Variants in EPG5 observed in about 807,000 individuals in gnomAD.
The protein encoded by EPG5 is ectopic P granules protein 5 homolog.
In EPG5, 159 loss-of-function variants were observed where a neutral mutation model predicts 302.7. The ratio of observed to expected loss-of-function variants is 0.53; its 90% confidence interval spans 0.46 to 0.60. The LOEUF is 0.60. Among genes scored for constraint, EPG5 ranks in the 20% least tolerant of loss-of-function variants. EPG5 has a pLI of 0.00. For synonymous variants in EPG5, 1,158 were observed against 1,136.8 expected, an observed-to-expected ratio of 1.02 and a Z score of -0.37; for missense variants, 2,896 against 3,092.4, an observed-to-expected ratio of 0.94 and a Z score of 1.51.
At chr18:45,867,769 A>G in intron 36 of EPG5, 21 bp from the exon 37 acceptor site, 1 of 1,575,008 alleles carries the variant, frequency 6.3e-7, no homozygotes, top group Non-Finnish European at 8.6e-7. Context: ...ATGAATTAAA[A>G]TCATTCTGTT....
Position 45,887,839 on chromosome 18 carries a change from A to G in EPG5, c.5021T>C (p.Phe1674Ser). 6.2e-7 allele frequency: 1 copy of G among 1,604,924 alleles called. No individual in the cohort carries two copies. The highest frequency in any genetic ancestry group is 8.5e-7 in the Non-Finnish European group (1 of 1,172,982). ...ATCGCTGACGTAATCCACAATAGTA[A>G]AGAAAAGGCTAATGCCAACTTTCTG... Reference protein sequence around the residue: ...GIQKVGISLFFTIVDYVSDET... With the variant: ...GIQKVGISLFSTIVDYVSDET... Residue 1674 changes from phenylalanine to serine, a missense_variant, in exon 29 of 44, where the codon TTT (phenylalanine) becomes TCT (serine). Around this residue, in one of 5 missense-constraint regions of EPG5, gnomAD observed 790 missense variants for 798.0 expected, o/e 0.99. Transcript: ENST00000282041.
rs376652885 is a variant in EPG5 at position 45,910,514 on chromosome 18, T to A, written c.4205+7A>T. 12 of 1,593,938 alleles carry A rather than the reference T, an allele frequency of 7.5e-6. No individual in the cohort carries two copies. Among genetic ancestry groups the A allele is most frequent in the East Asian group, 6.7e-5 (3 of 44,678 alleles). On this transcript the variant is annotated splice_region_variant and intron_variant, in intron 23 of 43. Coordinates refer to ENST00000282041, the MANE Select transcript of EPG5 (RefSeq NM_020964.3). Reference sequence around the variant, plus strand: ...AACAATGTAGGTGGCTAAATAACCATACTCACCTCACCAGCTCCTTGTGCA... The same window carrying A: ...AACAATGTAGGTGGCTAAATAACCAAACTCACCTCACCAGCTCCTTGTGCA...
chr18:45,878,360 C>T lies in EPG5; in HGVS notation c.5942+16G>A. On this transcript the variant is annotated intron_variant, in intron 34 of 43. Coordinates refer to ENST00000282041, the MANE Select transcript of EPG5 (RefSeq NM_020964.3). ...ACAAACGTCAAAGGAATTTGAATAT[C>T]TAAAAAACTGTTTACCTTTCGTTGT... 1 of 1,558,534 alleles carries T rather than the reference C, an allele frequency of 6.4e-7. No homozygotes were observed. Among genetic ancestry groups the T allele is most frequent in the Non-Finnish European group, 8.8e-7 (1 of 1,130,670 alleles).
At chr18:45,827,901 C>T in the EPG5 span, among the ~76,000 whole-genome samples, 2 of 152,204 alleles carry the variant, frequency 1.3e-5, no homozygotes, top group African/African-American at 2.4e-5. Flanking sequence ...CAAAAACAAA[C>T]GCCAAACCAC....
At chr18:45,919,937 T>C (rs2050118703) in intron 16 of EPG5, among the ~76,000 whole-genome samples, 1 of 152,320 alleles carries the variant, frequency 6.6e-6, no homozygotes, top group African/African-American at 2.4e-5. Context: ...GGAAACAATA[T>C]AAAGAGTATG....
At chr18:45,883,637 T>G (rs1288788657) in intron 30 of EPG5, among the ~76,000 whole-genome samples, 2 of 140,418 alleles carry the variant, frequency 1.4e-5, no homozygotes, top group Admixed American at 7.1e-5. Context: ...TTTTTTTTTT[T>G]TTTTGTACAG....
intron 22 of EPG5, 146 bp from the exon 23 acceptor site, chr18:45,910,888 G>A (rs2049876985): frequency 3.2e-6 from 2 of 618,870 alleles, no homozygotes; most frequent in African/African-American, 3.7e-5. Flanking sequence ...CTACCTCAAA[G>A]ATTATTTTGA....
chr18:45,822,583 A>C, the EPG5 span, among the ~76,000 whole-genome samples: 1 of 152,216 alleles, frequency 6.6e-6, no homozygotes, highest in Non-Finnish European at 1.5e-5. Flanking sequence ...TAAATGTTTA[A>C]GATGATGGAT....
At chr18:45,900,039 A>G (rs2049571625) in intron 26 of EPG5, among the ~76,000 whole-genome samples, 1 of 152,228 alleles carries the variant, frequency 6.6e-6, no homozygotes, top group Non-Finnish European at 1.5e-5. Flanking sequence ...GCAGGTGCTT[A>G]TATGTGCACT....
chr18:45,871,673 G>C (rs564772780), intron 35 of EPG5, among the ~76,000 whole-genome samples: 1 of 152,296 alleles, frequency 6.6e-6, no homozygotes. Context: ...TGAAGAAAAC[G>C]AGGCACAGAA....
chr18:45,916,101 G>A lies in EPG5; in HGVS notation c.3490C>T (p.Pro1164Ser), dbSNP rs1481048175. Reference protein sequence around the residue: ...ISQHLWYREQPILFLMDHLCK... With the variant: ...ISQHLWYREQSILFLMDHLCK... ...AAGTGGTCCATGAGGAAGAGGATAG[G>A]TTGTTCTCGGTACCAGAGATGCTGG... The change falls in exon 19 of 44, where the codon CCT becomes TCT. Residue 1164 changes from proline (P) to serine (S), a missense_variant. Transcript: ENST00000282041. 1.2e-6 allele frequency: 2 copies of A among 1,614,134 alleles called. No homozygotes were observed. The highest frequency in any genetic ancestry group is 2.2e-5 in the East Asian group (1 of 44,886).
intron 36 of EPG5, chr18:45,867,981 C>A: frequency 1.6e-6 from 1 of 608,178 alleles, no homozygotes; most frequent in East Asian, 3.5e-5. Flanking sequence ...TTATTCCAAT[C>A]ATTCTTAATA....
chr18:45,845,541 C>T (rs936478410), downstream of EPG5, among the ~76,000 whole-genome samples: 14 of 152,208 alleles, frequency 9.2e-5, no homozygotes, highest in Non-Finnish European at 5.9e-5. Context: ...TGTCTTCCCC[C>T]ACCCACCCTC....
At chr18:45,813,425 CA>C in the EPG5 span, among the ~76,000 whole-genome samples, 7 of 152,274 alleles carry the variant, frequency 4.6e-5, no homozygotes, top group African/African-American at 1.7e-4. Context: ...GGTATATACC[CA>C]AATGATTATA....
At chr18:45,882,897 C>T (rs2049128043) in intron 30 of EPG5, among the ~76,000 whole-genome samples, 1 of 151,632 alleles carries the variant, frequency 6.6e-6, no homozygotes, top group African/African-American at 2.4e-5. Flanking sequence ...ATCCCGGCTA[C>T]TCAGGAGGCT....
chr18:45,858,568 T>C lies in EPG5; in HGVS notation c.7224A>G (p.Pro2408=), dbSNP rs768938489. The C allele has an allele frequency of 6.2e-7, 1 of 1,613,340 alleles. No homozygotes were observed. The highest frequency in any genetic ancestry group is 1.3e-5 in the African/African-American group (1 of 74,924). The change falls in exon 41 of 44, where the codon CCA becomes CCG. Residue 2408 remains proline, a splice_region_variant and synonymous_variant. Transcript: ENST00000282041. ...ILSKWLEQVY[P]SSVEEEAKLF... ...TAACAGCCTGAGGGCCAACGTACCT[T>C]GGGTACACCTGTTCCAGCCACTTGC...
intron 7 of EPG5, 93 bp downstream of exon 7, chr18:45,946,570 T>C: frequency 5.8e-6 from 5 of 861,020 alleles, no homozygotes; most frequent in Admixed American, 2.1e-5. Context: ...GAGAATTAAA[T>C]GAGATACTAT....
At chr18:45,924,744 T>C (rs748180089) in intron 14 of EPG5, among the ~76,000 whole-genome samples, 1 of 152,218 alleles carries the variant, frequency 6.6e-6, no homozygotes, top group Non-Finnish European at 1.5e-5. Flanking sequence ...ACATCTTGTG[T>C]TTCCTCATTT....
intron 35 of EPG5, among the ~76,000 whole-genome samples, chr18:45,875,826 G>A (rs186619386): frequency 5.9e-5 from 9 of 152,186 alleles, no homozygotes; most frequent in East Asian, 3.9e-4. Context: ...AGGCCGAGGC[G>A]GGCAGATAGC....
Sources: gnomAD v4.1 joint callset for allele counts (sites outside exome capture counted in the v4.1 genomes callset) on GRCh38, gnomAD v4.1.1 for gene constraint, gnomAD v4.1.1 regional missense constraint, MANE v1.5 for transcripts, NCBI Gene and HGNC (gene_info 2026-07-23, HGNC 2026-07-21) for gene names.